Variants in TLN2 observed in about 807,000 individuals in gnomAD.
TLN2 encodes talin 2.
Under a neutral mutation model 294.7 loss-of-function variants are expected in TLN2, and 118 were observed. The observed-to-expected ratio is 0.40, with a 90% CI of 0.34 to 0.47. The LOEUF (loss-of-function observed/expected upper bound fraction) is 0.47. TLN2 is among the 20% of genes least tolerant of loss of function. TLN2 has a pLI of 0.84. For missense variants in TLN2, 3,083 were observed against 3,282.2 expected (o/e 0.94, Z 1.48); for synonymous variants, 1,431 against 1,304.5 (o/e 1.10, Z -2.09).
intron 11 of TLN2, among the ~76,000 whole-genome samples, chr15:62,675,573 A>G (rs1031508788): frequency 1.6e-4 from 24 of 152,324 alleles, no homozygotes; most frequent in African/African-American, 5.3e-4. Flanking sequence ...TCAAAGCTAT[A>G]AAGTCCCTGA....
At chr15:62,785,118 A>G (rs1376244419) in intron 45 of TLN2, among the ~76,000 whole-genome samples, 2 of 152,242 alleles carry the variant, frequency 1.3e-5, no homozygotes, top group Admixed American at 6.5e-5. Flanking sequence ...ATATTAGAAT[A>G]ATTGACTAGG....
rs1209596660 is a variant in TLN2, at chr15:62,752,255, G to C, written c.4210-50G>C. 5.6e-6 allele frequency: 9 copies of C among 1,603,912 alleles called. No individual in the cohort carries two copies. The Admixed American group carries it at 1.5e-4, about 27-fold the overall frequency. On this transcript the variant is annotated intron_variant, in intron 34 of 58. Coordinates refer to ENST00000636159, the MANE Select transcript of TLN2 (RefSeq NM_015059.3). ...TGGAGTGTAGCCTCCTTTACCCCTT[G>C]GTTTGAGGCAATGCTGGATAGAGAA... is the stretch of plus-strand genomic sequence containing the variant.
At chr15:62,673,033 T>G (rs1453570816) in intron 9 of TLN2, among the ~76,000 whole-genome samples, 1 of 151,834 alleles carries the variant, frequency 6.6e-6, no homozygotes, top group Non-Finnish European at 1.5e-5. Flanking sequence ...TAATTATATG[T>G]AACATCCTAC....
chr15:62,513,300 C>T (rs542416014), intron 1 of TLN2, among the ~76,000 whole-genome samples: 58 of 152,254 alleles, frequency 3.8e-4, no homozygotes, highest in African/African-American at 1.3e-3. Flanking sequence ...TGTTGAGGGC[C>T]ACCTTGTTTC....
At chr15:62,710,286 T>G (rs905590985) in intron 21 of TLN2, among the ~76,000 whole-genome samples, 5 of 152,210 alleles carry the variant, frequency 3.3e-5, no homozygotes, top group African/African-American at 1.2e-4. Context: ...TTAAATGTAT[T>G]TAAGAAATTT....
At chr15:62,823,006 A>G (rs952251794) in intron 54 of TLN2, among the ~76,000 whole-genome samples, 1 of 152,192 alleles carries the variant, frequency 6.6e-6, no homozygotes, top group African/African-American at 2.4e-5. Flanking sequence ...ACAGTACTCT[A>G]GGATCATATA....
chr15:62,555,964 G>C (rs1222532252), intron 1 of TLN2, among the ~76,000 whole-genome samples: 2 of 146,558 alleles, frequency 1.4e-5, no homozygotes, highest in African/African-American at 5.0e-5. Context: ...TCATCCTAAA[G>C]GTTTTTCTCT....
chr15:62,473,436 C>T lies in TLN2; in HGVS notation c.-238+82751C>T, dbSNP rs145288125. Among the ~76,000 whole-genome samples the T allele has an allele frequency of 4.6e-4, 70 of 152,092 alleles. 1 individual carries two copies. In the East Asian group the frequency reaches 0.013, roughly 27 times the overall value. On this transcript the variant is annotated intron_variant, in intron 1 of 58. Coordinates refer to ENST00000636159, the MANE Select transcript of TLN2 (RefSeq NM_015059.3). Reference sequence around the variant, plus strand: ...ATTTAAAGAGTAACATGAACATCTGCGGAGCCAACAACCAGGTTACAAATA... The same window carrying T: ...ATTTAAAGAGTAACATGAACATCTGTGGAGCCAACAACCAGGTTACAAATA...
intron 1 of TLN2, among the ~76,000 whole-genome samples, chr15:62,492,012 T>C (rs557455015): frequency 7.8e-4 from 119 of 152,270 alleles, no homozygotes; most frequent in African/African-American, 2.8e-3. Flanking sequence ...TTCTGGTATA[T>C]ACATATGTAT....
At chr15:62,505,644 G>A (rs576296131) in intron 1 of TLN2, among the ~76,000 whole-genome samples, 2 of 152,226 alleles carry the variant, frequency 1.3e-5, no homozygotes, top group East Asian at 1.9e-4. Context: ...TCTGTCTTAC[G>A]CACAAATATG....
intron 1 of TLN2, among the ~76,000 whole-genome samples, chr15:62,446,718 A>G (rs2035840399): frequency 6.6e-6 from 1 of 152,190 alleles, no homozygotes; most frequent in Non-Finnish European, 1.5e-5. Context: ...CGTTGGGTCT[A>G]ATACTTTCAA....
chr15:62,725,382 C>T (rs1355286002), intron 27 of TLN2, among the ~76,000 whole-genome samples: 1 of 152,090 alleles, frequency 6.6e-6, no homozygotes, highest in African/African-American at 2.4e-5. Context: ...AGCAATGAGG[C>T]TATCATGATG....
At chr15:62,743,950 G>A (rs2061474978) in intron 32 of TLN2, among the ~76,000 whole-genome samples, 1 of 152,116 alleles carries the variant, frequency 6.6e-6, no homozygotes, top group South Asian at 2.1e-4. Flanking sequence ...TTGCTGGACG[G>A]GGCTCCTCCT....
chr15:62,664,878 A>AAAAAAAAAAAAAAAATG (rs2054391831), intron 9 of TLN2, among the ~76,000 whole-genome samples: 2 of 145,870 alleles, frequency 1.4e-5, no homozygotes, highest in African/African-American at 2.5e-5. Context: ...AAAAAAAAAA[A>AAAAAAAAAAAAAAAATG]GTGGCTACCT....
At chr15:62,395,598 A>G (rs1307716241) in intron 1 of TLN2, among the ~76,000 whole-genome samples, 1 of 152,160 alleles carries the variant, frequency 6.6e-6, no homozygotes, top group African/African-American at 2.4e-5. Context: ...GCCTTGTTTT[A>G]CATTAGGAAA....
chr15:62,680,154 G>A (rs1431404117), intron 11 of TLN2, among the ~76,000 whole-genome samples: 2 of 152,030 alleles, frequency 1.3e-5, no homozygotes, highest in African/African-American at 4.8e-5. Flanking sequence ...GCCATTTTAG[G>A]TTTTTTCCTT....
chr15:62,576,439 C>G (rs527288023), intron 1 of TLN2, among the ~76,000 whole-genome samples: 7 of 152,068 alleles, frequency 4.6e-5, no homozygotes, highest in Non-Finnish European at 1.0e-4. Context: ...TCCCCAAAGG[C>G]ACCTGCCAAC....
chr15:62,459,137 A>G (rs2036649232), intron 1 of TLN2, among the ~76,000 whole-genome samples: 1 of 151,844 alleles, frequency 6.6e-6, no homozygotes, highest in African/African-American at 2.4e-5. Flanking sequence ...AGTAGCTGGG[A>G]CTACAGGTTC....
At chr15:62,658,894 A>G (rs2053523665) in intron 9 of TLN2, among the ~76,000 whole-genome samples, 1 of 152,224 alleles carries the variant, frequency 6.6e-6, no homozygotes. Context: ...ATATTGAGGA[A>G]TAAACACCAA....
Sources: allele counts gnomAD v4.1 joint callset (sites outside exome capture counted in the v4.1 genomes callset), GRCh38; gene constraint gnomAD v4.1.1; transcripts MANE v1.5; gene names NCBI Gene and HGNC (gene_info 2026-07-23, HGNC 2026-07-21).